The following TEX11 variants were observed in gnomAD, a reference collection of about 807,000 sequenced individuals.
TEX11 encodes the protein testis expressed 11, also known as testis-expressed protein 11.
In TEX11, 7 loss-of-function variants were observed where a neutral mutation model predicts 84.4. That is an observed-to-expected ratio of 0.08 (90% CI 0.05 to 0.16). TEX11 has a LOEUF of 0.16. Among genes scored for constraint, TEX11 ranks in the 10% least tolerant of loss-of-function variants. The pLI, the probability that TEX11 is intolerant of heterozygous loss-of-function variation, is 1.00. For missense variants in TEX11, 551 were observed against 660.5 expected (o/e 0.83, Z 1.82); for synonymous variants, 264 against 222.8 (o/e 1.18, Z -1.64).
chrX:70,750,090 A>G (rs1260324099), intron 9 of TEX11, among the ~76,000 whole-genome samples: 4 of 111,236 alleles, frequency 3.6e-5, no homozygotes, highest in African/African-American at 1.3e-4. Context: ...AAAACAAACA[A>G]CCCCATCAAA....
chrX:70,844,947 C>CT (rs1327406335), intron 7 of TEX11, among the ~76,000 whole-genome samples: 1 of 110,001 alleles, frequency 9.1e-6, no homozygotes, highest in Non-Finnish European at 1.9e-5. Flanking sequence ...AAAAAAAAGA[C>CT]TAAGTATTTA....
At chrX:70,880,232 C>T in intron 2 of TEX11, 123 bp from the exon 3 acceptor site, 1 of 425,441 alleles carries the variant, frequency 2.4e-6, no homozygotes. Flanking sequence ...GAACTTGATC[C>T]TTAGAGTAAA....
chrX:70,732,103 A>G (rs892220436), intron 11 of TEX11, among the ~76,000 whole-genome samples: 2 of 111,489 alleles, frequency 1.8e-5, no homozygotes, highest in South Asian at 7.6e-4. Flanking sequence ...AAATTCAACA[A>G]CCCTTCATGC....
At chrX:70,818,116 C>T (rs2091299325) in intron 8 of TEX11, among the ~76,000 whole-genome samples, 1 of 110,942 alleles carries the variant, frequency 9.0e-6, no homozygotes, top group Admixed American at 9.6e-5. Context: ...TGGCGAAACC[C>T]CATCTCTATA....
intron 2 of TEX11, among the ~76,000 whole-genome samples, chrX:70,882,880 A>G (rs2091690529): frequency 8.9e-6 from 1 of 112,223 alleles, no homozygotes; most frequent in African/African-American, 3.2e-5. Context: ...TGATTTGTGA[A>G]TGTTCTCTTA....
At chrX:70,673,540 C>G (rs2090043082) in intron 15 of TEX11, 1 of 111,680 alleles carries the variant, frequency 9.0e-6, no homozygotes, top group Admixed American at 9.5e-5. Flanking sequence ...AAGATTTTCT[C>G]CTATGTATTT....
chrX:70,735,709 A>G (rs1353710990), intron 11 of TEX11, among the ~76,000 whole-genome samples: 1 of 112,321 alleles, frequency 8.9e-6, no homozygotes, highest in African/African-American at 3.2e-5. Flanking sequence ...TTCTTTGCAG[A>G]AATCAACAAG....
intron 7 of TEX11, among the ~76,000 whole-genome samples, chrX:70,840,353 C>T (rs2091434932): frequency 9.0e-6 from 1 of 111,561 alleles, no homozygotes; most frequent in South Asian, 3.8e-4. Flanking sequence ...GAATTTTCAA[C>T]CCACAATCTC....
chrX:70,553,406 T>C lies in TEX11; in HGVS notation c.2299A>G (p.Met767Val). Residue 767 changes from methionine to valine, a missense_variant, in exon 27 of 30, where the codon ATG (methionine) becomes GTG (valine). Physicochemically the swap from Met to Val is conservative, Grantham distance 21. Coordinates refer to ENST00000374333, the MANE Select transcript of TEX11 (RefSeq NM_031276.3). Reference protein sequence around the residue: ...KTFETIAIIAMEKPAHYPLIA... With the variant: ...KTFETIAIIAVEKPAHYPLIA... ...AAAGGATAGTGTGCAGGCTTTTCCATTGCTATTACTAGAGTAAGAAAAGGA... is the reference window on the plus strand; with the variant it reads ...AAAGGATAGTGTGCAGGCTTTTCCACTGCTATTACTAGAGTAAGAAAAGGA... The C allele has an allele frequency of 8.4e-7, 1 of 1,184,156 alleles. No homozygotes were observed. Among genetic ancestry groups the C allele is most frequent in the Middle Eastern group, 2.3e-4 (1 of 4,260 alleles).
intron 28 of TEX11, among the ~76,000 whole-genome samples, chrX:70,537,264 A>G (rs1025834315): frequency 9.0e-6 from 1 of 111,512 alleles, no homozygotes; most frequent in African/African-American, 3.3e-5. Context: ...GGTTTGAAGC[A>G]GCCACTTTAC....
chrX:70,646,931 C>A (rs1389451939), intron 17 of TEX11, among the ~76,000 whole-genome samples: 1 of 111,488 alleles, frequency 9.0e-6, no homozygotes, highest in African/African-American at 3.3e-5. Context: ...TCTGCACTCC[C>A]ATATTCATTG....
intron 17 of TEX11, among the ~76,000 whole-genome samples, chrX:70,647,084 A>G (rs2089750803): frequency 8.9e-6 from 1 of 111,879 alleles, no homozygotes; most frequent in African/African-American, 3.2e-5. Flanking sequence ...CATTTATGAA[A>G]AAAAGGTATG....
At chrX:70,833,411 C>A in intron 8 of TEX11, 102 bp downstream of exon 8, 1 of 672,603 alleles carries the variant, frequency 1.5e-6, no homozygotes, top group Non-Finnish European at 2.3e-6. Flanking sequence ...TGGAACTGAT[C>A]TCAAATAGAA....
rs555215576 is a variant in TEX11, at chrX:70,725,489, T to A, written c.844-146A>T. On this transcript the variant is annotated intron_variant, in intron 11 of 29. Transcript: ENST00000374333. The stretch of plus-strand genomic sequence containing the variant: ...TTACAGAAGACCATATCATAACATT[T>A]GTTCTATCCCTGAGGATATTTCCCA... The A allele has an allele frequency of 2.2e-5, 8 of 362,162 alleles. No individual in the cohort carries two copies. In the South Asian group the frequency reaches 5.9e-4, roughly 27 times the overall value. 29.8% of individuals were successfully genotyped at this position (362,162 alleles called of 1,213,427 possible). A position where few individuals can be genotyped will look rare whatever the true frequency, so the allele number is the denominator to read the frequency against.
At chrX:70,563,955 G>A (rs2088413785) in intron 25 of TEX11, among the ~76,000 whole-genome samples, 1 of 112,334 alleles carries the variant, frequency 8.9e-6, no homozygotes, top group Non-Finnish European at 1.9e-5. Flanking sequence ...GATGCCGGGT[G>A]TGGTGGTCCA....
At chrX:70,747,361 C>G (rs947880209) in intron 9 of TEX11, among the ~76,000 whole-genome samples, 1 of 112,004 alleles carries the variant, frequency 8.9e-6, no homozygotes, top group Admixed American at 9.5e-5. Flanking sequence ...TATTAGAGGC[C>G]ACACAGTGTG....
chrX:70,866,037 G>C (rs2091597421), intron 4 of TEX11, among the ~76,000 whole-genome samples: 1 of 111,277 alleles, frequency 9.0e-6, no homozygotes, highest in African/African-American at 3.3e-5. Context: ...AAATAACTAA[G>C]ATCAGAGCAG....
At chrX:70,618,031 C>T (rs1019752354) in intron 20 of TEX11, among the ~76,000 whole-genome samples, 34 of 111,915 alleles carry the variant, frequency 3.0e-4, no homozygotes, top group African/African-American at 1.1e-3. Flanking sequence ...TGGAAGGCTA[C>T]CATCAGATCA....
intron 8 of TEX11, among the ~76,000 whole-genome samples, chrX:70,817,230 T>TACACAC (rs201239481): frequency 1.2e-5 from 1 of 85,518 alleles, no homozygotes; most frequent in Non-Finnish European, 2.3e-5. Flanking sequence ...CACATACACA[T>TACACAC]ACACACACAC....
Sources: gnomAD v4.1 joint callset for allele counts (sites outside exome capture counted in the v4.1 genomes callset) on GRCh38, gnomAD v4.1.1 for gene constraint, MANE v1.5 for transcripts, NCBI Gene and HGNC (gene_info 2026-07-23, HGNC 2026-07-21) for gene names.